Variants in SPMIP7 observed in about 807,000 individuals in gnomAD.
The protein encoded by SPMIP7 is sperm microtubule inner protein 7.
the SPMIP7 span, among the ~76,000 whole-genome samples, chr7:50,125,585 G>GGTGTGTGTGTGTGT: frequency 7.1e-6 from 1 of 140,824 alleles, no homozygotes; most frequent in Non-Finnish European, 1.5e-5. Context: ...AAGAAAATAT[G>GGTGTGTGTGTGTGT]GTGTGTGTGT....
chr7:50,140,062 T>G, the SPMIP7 span: 3 of 999,396 alleles, frequency 3.0e-6, no homozygotes, highest in Non-Finnish European at 4.3e-6. Flanking sequence ...TTTGTCTTAA[T>G]TAGAGAAATA....
At chr7:50,144,713 C>T in the SPMIP7 span, among the ~76,000 whole-genome samples, 1 of 152,100 alleles carries the variant, frequency 6.6e-6, no homozygotes, top group South Asian at 2.1e-4. Context: ...AATGTTAACG[C>T]AGTTTCTACT....
chr7:50,145,690 G>A, the SPMIP7 span, among the ~76,000 whole-genome samples: 1 of 126,960 alleles, frequency 7.9e-6, no homozygotes, highest in South Asian at 2.8e-4. Flanking sequence ...AGAGCCCTGA[G>A]ATCTAACATA....
chr7:50,120,013 C>T, the SPMIP7 span, among the ~76,000 whole-genome samples: 1 of 152,198 alleles, frequency 6.6e-6, no homozygotes, highest in Non-Finnish European at 1.5e-5. Context: ...CCAGGTGGCC[C>T]TCTTTTCCAG....
the SPMIP7 span, among the ~76,000 whole-genome samples, chr7:50,135,295 T>TGG: frequency 6.6e-6 from 1 of 152,256 alleles, no homozygotes; most frequent in Non-Finnish European, 1.5e-5. Flanking sequence ...CGTAGGAGTC[T>TGG]GGTTAAGCCC....
chr7:50,129,872 A>C, the SPMIP7 span: 8 of 868,176 alleles, frequency 9.2e-6, no homozygotes, highest in South Asian at 1.2e-4. Flanking sequence ...TTATGTCTAT[A>C]ATATCCTGGA....
At chr7:50,124,373 T>C in the SPMIP7 span, among the ~76,000 whole-genome samples, 140 of 152,274 alleles carry the variant, frequency 9.2e-4, no homozygotes, top group African/African-American at 3.3e-3. Context: ...AAACAATACA[T>C]CAATCACCTT....
At chr7:50,131,575 A>AGTCC in the SPMIP7 span, among the ~76,000 whole-genome samples, 2 of 152,184 alleles carry the variant, frequency 1.3e-5, no homozygotes, top group Non-Finnish European at 2.9e-5. Flanking sequence ...AAGGGCACTG[A>AGTCC]GTCCTGGCAT....
the SPMIP7 span, chr7:50,104,280 A>T: frequency 8.4e-7 from 1 of 1,184,776 alleles, no homozygotes; most frequent in African/African-American, 1.5e-5. Flanking sequence ...TGTGTTTTTA[A>T]CCAAAATCCC....
chr7:50,157,963 A>C, the SPMIP7 span, among the ~76,000 whole-genome samples: 1 of 152,246 alleles, frequency 6.6e-6, no homozygotes, highest in African/African-American at 2.4e-5. Flanking sequence ...TACTGGGTAT[A>C]CAAGCAAAGT....
At chr7:50,114,756 G>A in the SPMIP7 span, among the ~76,000 whole-genome samples, 1 of 152,156 alleles carries the variant, frequency 6.6e-6, no homozygotes, top group African/African-American at 2.4e-5. Flanking sequence ...CCAGCCGGGT[G>A]AGGTGGCTCA....
the SPMIP7 span, among the ~76,000 whole-genome samples, chr7:50,119,939 C>G: frequency 6.6e-6 from 1 of 152,188 alleles, no homozygotes; most frequent in Admixed American, 6.5e-5. Context: ...ACTCGCTGAA[C>G]CTGGCTCACG....
At chr7:50,137,003 C>G in the SPMIP7 span, among the ~76,000 whole-genome samples, 1 of 151,962 alleles carries the variant, frequency 6.6e-6, no homozygotes, top group Non-Finnish European at 1.5e-5. Flanking sequence ...CTATCTTCCT[C>G]GTGGAGCATG....
chr7:50,119,322 A>G, the SPMIP7 span, among the ~76,000 whole-genome samples: 847 of 152,332 alleles, frequency 5.6e-3, 2 homozygotes, highest in Non-Finnish European at 8.8e-3. Context: ...AGCAGATGCC[A>G]TCCTAGACAT....
the SPMIP7 span, among the ~76,000 whole-genome samples, chr7:50,101,951 C>G: frequency 2.0e-5 from 3 of 152,320 alleles, no homozygotes; most frequent in Non-Finnish European, 4.4e-5. Context: ...AAGTGAAACC[C>G]GTTAATCACA....
chr7:50,148,754 G>A, the SPMIP7 span, among the ~76,000 whole-genome samples: 1 of 152,208 alleles, frequency 6.6e-6, no homozygotes, highest in East Asian at 1.9e-4. Context: ...CAATGTGGCT[G>A]TAAAACAGAG....
chr7:50,121,675 A>T, the SPMIP7 span, among the ~76,000 whole-genome samples: 1 of 150,784 alleles, frequency 6.6e-6, no homozygotes, highest in South Asian at 2.1e-4. Context: ...TTTTTTTGAG[A>T]TGGCGTCTCA....
chr7:50,107,716 C>T, the SPMIP7 span, among the ~76,000 whole-genome samples: 4 of 152,198 alleles, frequency 2.6e-5, no homozygotes, highest in East Asian at 3.9e-4. Flanking sequence ...ATATCCACTG[C>T]GTGTTTATTT....
chr7:50,140,067 G>T, the SPMIP7 span: 10 of 1,040,488 alleles, frequency 9.6e-6, no homozygotes, highest in South Asian at 3.3e-5. Context: ...CTTAATTAGA[G>T]AAATACTGTA....
Sources: allele counts gnomAD v4.1 joint callset (sites outside exome capture counted in the v4.1 genomes callset), GRCh38; gene constraint gnomAD v4.1.1; transcripts MANE v1.5; gene names NCBI Gene and HGNC (gene_info 2026-07-23, HGNC 2026-07-21).